The following CLMN variants were observed in gnomAD, a reference collection of about 807,000 sequenced individuals.
CLMN encodes calmin (calponin-like, transmembrane).
CLMN carries 57 observed loss-of-function variants against 92.7 expected under a neutral mutation model. That is an observed-to-expected ratio of 0.61 (90% CI 0.50 to 0.77). The LOEUF (loss-of-function observed/expected upper bound fraction) is 0.77. CLMN is among the 30% of genes least tolerant of loss of function. The pLI, the probability that CLMN is intolerant of heterozygous loss-of-function variation, is 0.00. For missense variants in CLMN, 1,158 were observed against 1,237.5 expected (o/e 0.94, Z 0.96); for synonymous variants, 466 against 470.6 (o/e 0.99, Z 0.13).
intron 1 of CLMN, among the ~76,000 whole-genome samples, chr14:95,281,109 T>C (rs1365659453): frequency 6.6e-6 from 1 of 152,212 alleles, no homozygotes; most frequent in Non-Finnish European, 1.5e-5. Flanking sequence ...ATTAACTGCA[T>C]AGACAGAACT....
At chr14:95,215,087 C>T (rs1261967613) in intron 5 of CLMN, among the ~76,000 whole-genome samples, 1 of 152,088 alleles carries the variant, frequency 6.6e-6, no homozygotes, top group African/African-American at 2.4e-5. Context: ...ACATGTGCCC[C>T]AGAACTTAAA....
In CLMN at chr14:95,311,214, C is replaced by T. The variant is rs562341607; in HGVS notation, c.82+8497G>A. Among the ~76,000 whole-genome samples the T allele has an allele frequency of 3.0e-4, 45 of 152,258 alleles. No homozygotes were observed. The South Asian group carries it at 3.5e-3, about 12-fold the overall frequency. On this transcript the variant is annotated intron_variant, in intron 1 of 12. Transcript: ENST00000298912. ...TTGGCAGGTCACCTCCGAGCCCCCT[C>T]CCCACCCGCCGCCCCAGTTCTCAGC...
chr14:95,304,653 T>C (rs1369786588), intron 1 of CLMN, among the ~76,000 whole-genome samples: 1 of 151,802 alleles, frequency 6.6e-6, no homozygotes, highest in Non-Finnish European at 1.5e-5. Flanking sequence ...CTGTACAATC[T>C]ATATAGTACA....
chr14:95,269,577 A>G (rs190620995), intron 1 of CLMN, among the ~76,000 whole-genome samples: 3 of 152,292 alleles, frequency 2.0e-5, no homozygotes, highest in East Asian at 1.9e-4. Flanking sequence ...TTGAGTCTCA[A>G]TGGACTCCTG....
At position 95,191,455 on chromosome 14, in the gene CLMN, C is replaced by T. The variant is rs1259293364; in HGVS notation, c.*109G>A. 6 of 743,986 alleles carry T rather than the reference C, an allele frequency of 8.1e-6. No individual in the cohort carries two copies. In the South Asian group the frequency reaches 1.9e-4, roughly 24 times the overall value. The allele number at this position is 743,986 out of a possible 1,614,324, so 46.1% of individuals were successfully genotyped here. On this transcript the variant is annotated 3_prime_UTR_variant, in exon 13 of 13. Coordinates refer to ENST00000298912, the MANE Select transcript of CLMN (RefSeq NM_024734.4). This position sits in a 1 kb window ranked among gnomAD's most constrained non-coding sequence, Gnocchi z 5.3. ...GCGAGAAAGGGGGTCTAAGTTTCCT[C>T]GGAGGTCCTCAACTGTCTGTAGAAG...
At chr14:95,303,760 C>T (rs1026123243) in intron 1 of CLMN, among the ~76,000 whole-genome samples, 1 of 152,198 alleles carries the variant, frequency 6.6e-6, no homozygotes, top group Non-Finnish European at 1.5e-5. Context: ...TTACCAGCCT[C>T]CCATCTGGCT....
chr14:95,196,598 G>A lies in CLMN; in HGVS notation c.2608C>T (p.His870Tyr), dbSNP rs375264956. 28 of 1,614,022 alleles carry A rather than the reference G, an allele frequency of 1.7e-5. No homozygotes were observed. The highest frequency in any genetic ancestry group is 2.3e-5 in the Non-Finnish European group (27 of 1,180,010). ...ISSKKKEKRK[H>Y]VDHVESSLFV... ...AGTGAACTTTCTACGTGGTCCACAT[G>A]TTTCCTTTTTTCCTTTTTTTTACTA... Residue 870 changes from histidine to tyrosine, a missense_variant, in exon 10 of 13, where the codon CAT becomes TAT. Coordinates refer to ENST00000298912, the MANE Select transcript of CLMN (RefSeq NM_024734.4).
rs1896635091 is a variant in CLMN, at chr14:95,194,188, C to T, written c.2770-269G>A. ...GCTCCGGGTTCTAACACATCTGCTA[C>T]TGAGCACGTGCCACTGTCCATCGGA... On this transcript the variant is annotated intron_variant, in intron 11 of 12. Transcript: ENST00000298912. This position sits in a 1 kb window ranked among gnomAD's most constrained non-coding sequence, Gnocchi z 4.0. 7.1e-7 allele frequency: 1 copy of T among 1,400,504 alleles called. No individual in the cohort carries two copies. Among genetic ancestry groups the T allele is most frequent in the South Asian group, 1.6e-5 (1 of 61,644 alleles). The allele number at this position is 1,400,504 out of a possible 1,614,324, so 86.8% of individuals were successfully genotyped here. A position where few individuals can be genotyped will look rare whatever the true frequency, so the allele number is the denominator to read the frequency against.
At chr14:95,319,088 G>A (rs1298014101) in intron 1 of CLMN, among the ~76,000 whole-genome samples, 1 of 152,170 alleles carries the variant, frequency 6.6e-6, no homozygotes, top group African/African-American at 2.4e-5. Flanking sequence ...GCCAGCGTGG[G>A]GGAAGGGTGG....
chr14:95,273,470 TTCCGTCA>T (rs1040900443), intron 1 of CLMN, among the ~76,000 whole-genome samples: 22 of 152,324 alleles, frequency 1.4e-4, no homozygotes, highest in African/African-American at 5.3e-4. Flanking sequence ...CACAGCCAAC[TTCCGTCA>T]TCTGATAGGG....
At position 95,196,552 on chromosome 14, in the gene CLMN, A is replaced by C. The variant is rs367811329; in HGVS notation, c.2654T>G (p.Val885Gly). 2 of 1,613,984 alleles carry C rather than the reference A, an allele frequency of 1.2e-6. No homozygotes were observed. The highest frequency in any genetic ancestry group is 2.7e-5 in the African/African-American group (2 of 74,904). The change falls in exon 10 of 13, where the codon GTT becomes GGT. Residue 885 changes from valine (V) to glycine (G), a missense_variant. By Grantham distance (109) the Val-to-Gly change is moderately radical (BLOSUM62 -3). Coordinates refer to ENST00000298912, the MANE Select transcript of CLMN (RefSeq NM_024734.4). ...TTCTTCTAGGTCATCTGAGGATTGA[A>C]CACTTCCTGGTGCTACAAATAGTGA... ...ESSLFVAPGSVQSSDDLEEDS... is the reference protein window; with the variant it reads ...ESSLFVAPGSGQSSDDLEEDS...
intron 1 of CLMN, among the ~76,000 whole-genome samples, chr14:95,308,381 C>G (rs1463610222): frequency 6.6e-6 from 1 of 152,180 alleles, no homozygotes; most frequent in Admixed American, 6.5e-5. Flanking sequence ...TCTAGCACCA[C>G]CTGGTCCTTG....
chr14:95,252,034 C>T (rs757260179), intron 1 of CLMN, among the ~76,000 whole-genome samples: 10 of 152,272 alleles, frequency 6.6e-5, no homozygotes, highest in African/African-American at 2.2e-4. Flanking sequence ...TATGGCTCTG[C>T]GCCTCTTCCT....
chr14:95,305,434 T>C (rs1172972834), intron 1 of CLMN, among the ~76,000 whole-genome samples: 1 of 152,162 alleles, frequency 6.6e-6, no homozygotes, highest in Non-Finnish European at 1.5e-5. Context: ...CTTTGAAGAA[T>C]AAGAGAGAGT....
rs1896556415 is a variant in CLMN, at chr14:95,191,417, A to C, written c.*147T>G. 1.8e-5 allele frequency: 9 copies of C among 509,746 alleles called. No individual in the cohort carries two copies. The highest frequency in any genetic ancestry group is 6.3e-6 in the Non-Finnish European group (2 of 317,278). The allele number at this position is 509,746 out of a possible 1,614,324, so 31.6% of individuals were successfully genotyped here. On this transcript the variant is annotated 3_prime_UTR_variant, in exon 13 of 13. Transcript: ENST00000298912. This position sits in a 1 kb window ranked among gnomAD's most constrained non-coding sequence, Gnocchi z 5.3. ...AAAAAAGGAAACCTGAAAAAAAAAA[A>C]AAAACCACAATAGCGAGAAAGGGGG...
At chr14:95,264,246 C>T (rs1480534940) in intron 1 of CLMN, among the ~76,000 whole-genome samples, 1 of 151,966 alleles carries the variant, frequency 6.6e-6, no homozygotes, top group Non-Finnish European at 1.5e-5. Flanking sequence ...CACTATGTTG[C>T]CCAGGCTGGA....
At chr14:95,268,461 A>G (rs1899567127) in intron 1 of CLMN, among the ~76,000 whole-genome samples, 1 of 151,798 alleles carries the variant, frequency 6.6e-6, no homozygotes, top group Admixed American at 6.6e-5. Context: ...AGAATTCTAG[A>G]GTTGGAAACT....
intron 1 of CLMN, among the ~76,000 whole-genome samples, chr14:95,271,270 G>A (rs1434355539): frequency 2.0e-5 from 3 of 152,112 alleles, no homozygotes; most frequent in African/African-American, 4.8e-5. Flanking sequence ...TTTTACTTTC[G>A]TGATGGTATC....
intron 9 of CLMN, chr14:95,199,162 TG>T (rs1404484025): frequency 8.4e-6 from 1 of 118,918 alleles, no homozygotes; most frequent in Non-Finnish European, 1.7e-5. Context: ...CACTCCTCAT[TG>T]CTCAGATTTG....
Sources: gnomAD v4.1 joint callset for allele counts (sites outside exome capture counted in the v4.1 genomes callset) on GRCh38, gnomAD v4.1.1 for gene constraint, Gnocchi (gnomAD v3.1) non-coding constraint, MANE v1.5 for transcripts, NCBI Gene and HGNC (gene_info 2026-07-23, HGNC 2026-07-21) for gene names.